The following WRN variants were observed in gnomAD, a reference collection of about 807,000 sequenced individuals.
The protein encoded by WRN is bifunctional 3'-5' exonuclease/ATP-dependent helicase WRN.
Under a neutral mutation model 180.7 loss-of-function variants are expected in WRN, and 149 were observed. The observed-to-expected ratio is 0.82, with a 90% CI of 0.72 to 0.94. WRN has a LOEUF of 0.94. Among genes scored for constraint, WRN ranks in the 40% least tolerant of loss-of-function variants. The pLI, the probability that WRN is intolerant of heterozygous loss-of-function variation, is 0.00. For synonymous variants in WRN, 548 were observed against 568.9 expected, an observed-to-expected ratio of 0.96 and a Z score of 0.52; for missense variants, 1,661 against 1,700.1, an observed-to-expected ratio of 0.98 and a Z score of 0.40.
chr8:31,108,590 T>C (rs2130267798), intron 18 of WRN, among the ~76,000 whole-genome samples: 1 of 152,162 alleles, frequency 6.6e-6, no homozygotes, highest in South Asian at 2.1e-4. Flanking sequence ...CATTTAAGAT[T>C]ATAAGTCTGG....
At chr8:31,169,170 T>C (rs1477182147) in intron 34 of WRN, among the ~76,000 whole-genome samples, 1 of 151,870 alleles carries the variant, frequency 6.6e-6, no homozygotes, top group Non-Finnish European at 1.5e-5. Context: ...TTTTCACTTT[T>C]CATGCATTCT....
chr8:31,096,789 C>A lies in WRN; in HGVS notation c.1920C>A (p.Tyr640Ter). 6.2e-7 allele frequency: 1 copy of A among 1,604,686 alleles called. No homozygotes were observed. The highest frequency in any genetic ancestry group is 1.1e-5 in the South Asian group (1 of 90,904). Residue 640 changes from tyrosine (Y) to a stop codon, truncating the protein, a stop_gained, in exon 17 of 35, where the codon TAC becomes TAA. Transcript: ENST00000298139. LOFTEE classifies it high-confidence loss of function. The part of the protein sequence containing the change: ...DIKLGKYRIV[Y>*]VTPEYCSGNM... ...ACAGAGGTAAATACCGGATTGTATACGTAACTCCAGAATACTGTTCAGGTA... is the reference window on the plus strand; with the variant it reads ...ACAGAGGTAAATACCGGATTGTATAAGTAACTCCAGAATACTGTTCAGGTA...
chr8:31,147,884 ATTTTTTTT>A (rs367782924), intron 30 of WRN, among the ~76,000 whole-genome samples: 4 of 126,906 alleles, frequency 3.2e-5, no homozygotes, highest in Admixed American at 8.2e-5. Flanking sequence ...CTTCTTCTTC[ATTTTTTTT>A]TTTTTTTTTG....
rs1336389337 is a variant in WRN at position 31,149,475 on chromosome 8, T to G, written c.3573-866T>G. 7.2e-3 allele frequency among the ~76,000 whole-genome samples: 673 copies of G among 94,022 alleles called. 25 individuals carry two copies. The highest frequency in any genetic ancestry group is 0.026 in the African/African-American group (648 of 24,546). The allele number at this position is 94,022 out of a possible 152,430, so 61.7% of individuals were successfully genotyped here. On this transcript the variant is annotated intron_variant, in intron 30 of 34. Coordinates refer to ENST00000298139, the MANE Select transcript of WRN (RefSeq NM_000553.6). ...GAGGTGTTTTTTTTTTTTTTTTTTT[T>G]TTTTTTTTTTTTTTTTGGTGATAGA...
chr8:31,075,434 G>A (rs1213157223), intron 7 of WRN, among the ~76,000 whole-genome samples: 10 of 152,062 alleles, frequency 6.6e-5, no homozygotes, highest in Non-Finnish European at 1.0e-4. Flanking sequence ...TATTTTGGCC[G>A]GGGGTGGCAG....
At chr8:31,144,017 C>T (rs892439521) in intron 28 of WRN, among the ~76,000 whole-genome samples, 2 of 152,156 alleles carry the variant, frequency 1.3e-5, no homozygotes, top group African/African-American at 4.8e-5. Flanking sequence ...TATTTGTCTA[C>T]CTCTAGCATC....
chr8:31,082,684 C>T (rs1813364671), intron 9 of WRN, among the ~76,000 whole-genome samples: 1 of 151,900 alleles, frequency 6.6e-6, no homozygotes, highest in African/African-American at 2.4e-5. Context: ...ACAACCTCTG[C>T]CTCCCCGGTT....
intron 24 of WRN, 118 bp from the exon 25 acceptor site, chr8:31,141,312 A>C: frequency 7.8e-7 from 1 of 1,274,446 alleles, no homozygotes; most frequent in South Asian, 1.3e-5. Flanking sequence ...ACATTTTTGT[A>C]GGTTTTTAAA....
chr8:31,068,052 C>T (rs1482271434), intron 6 of WRN, among the ~76,000 whole-genome samples: 1 of 152,086 alleles, frequency 6.6e-6, no homozygotes. Context: ...TGAAAACAAA[C>T]TTTTAAGGCT....
intron 1 of WRN, 54 bp downstream of exon 1, chr8:31,034,027 A>G (rs970844403): frequency 6.6e-6 from 1 of 152,192 alleles, no homozygotes; most frequent in African/African-American, 2.4e-5. Context: ...GGGTATCTAT[A>G]GTGCTAGGCT....
chr8:31,136,836 CGAATGAATGAAT>C (rs60617461), intron 24 of WRN, among the ~76,000 whole-genome samples: 18 of 149,560 alleles, frequency 1.2e-4, no homozygotes, highest in South Asian at 6.4e-4. Flanking sequence ...TACCCTGTCT[CGAATGAATGAAT>C]GAATGAATGA....
intron 1 of WRN, among the ~76,000 whole-genome samples, chr8:31,048,949 G>C (rs1426971695): frequency 6.6e-6 from 1 of 151,902 alleles, no homozygotes; most frequent in Non-Finnish European, 1.5e-5. Context: ...AATTTCTGTT[G>C]TCAGACTAGT....
chr8:31,037,325 G>T (rs531610085), intron 1 of WRN, among the ~76,000 whole-genome samples: 4 of 152,202 alleles, frequency 2.6e-5, no homozygotes, highest in African/African-American at 7.2e-5. Flanking sequence ...AGGTGGTAAC[G>T]TGAGGAATGG....
At chr8:31,066,600 A>ATT (rs1249867912) in intron 5 of WRN, among the ~76,000 whole-genome samples, 92 of 146,414 alleles carry the variant, frequency 6.3e-4, no homozygotes, top group African/African-American at 2.2e-3. Context: ...TTAAAAAAAA[A>ATT]TTTTTTTTTT....
Position 31,124,628 on chromosome 8 carries a change from G to T in WRN, c.2732+5G>T. ...TTCTAGCAGATGTAGGAGACAGTAT[G>T]TATTATTTATTTTATGCCAATAGTA... On this transcript the variant is annotated splice_donor_5th_base_variant and intron_variant, in intron 22 of 34. Transcript: ENST00000298139. 1 of 1,601,420 alleles carries T rather than the reference G, an allele frequency of 6.2e-7. No homozygotes were observed. The highest frequency in any genetic ancestry group is 8.6e-7 in the Non-Finnish European group (1 of 1,169,048).
rs1060500079 is a variant in WRN at position 31,147,376 on chromosome 8, G to T, written c.3472G>T (p.Gly1158Cys). Residue 1158 changes from glycine to cysteine, a missense_variant, in exon 30 of 35, where the codon GGC (glycine) becomes TGC (cysteine). Gly to Cys is a radical substitution (Grantham distance 159). Around this residue, in one of 3 missense-constraint regions of WRN, gnomAD observed 1,141 missense variants for 1,149.4 expected, o/e 0.99. Coordinates refer to ENST00000298139, the MANE Select transcript of WRN (RefSeq NM_000553.6). ...GTTTTTTGTTCAGATTGTGTTATAT[G>T]GCAAATTGGTAGAAGCTAGGCAGAA... ...QEQETQIVLYGKLVEARQKHA... is the reference protein window; with the variant it reads ...QEQETQIVLYCKLVEARQKHA... The T allele has an allele frequency of 1.1e-5, 17 of 1,613,910 alleles. No homozygotes were observed. Among genetic ancestry groups the T allele is most frequent in the Non-Finnish European group, 1.4e-5 (17 of 1,179,900 alleles).
rs1467483747 is a variant in WRN, at chr8:31,175,241, C to T, written c.*2139C>T. Among the ~76,000 whole-genome samples, 3 of 151,984 alleles carry T rather than the reference C, an allele frequency of 2.0e-5. No individual in the cohort carries two copies. Among genetic ancestry groups the T allele is most frequent in the Non-Finnish European group, 4.4e-5 (3 of 67,994 alleles). On this transcript the variant is annotated 3_prime_UTR_variant, in exon 35 of 35. Coordinates refer to ENST00000298139, the MANE Select transcript of WRN (RefSeq NM_000553.6). ...CACGAGATCAGGAGATCGAGACCAC[C>T]CTGGCCAACATGGTGAAACCCCGTC...
intron 9 of WRN, 73 bp from the exon 10 acceptor site, chr8:31,083,626 G>A: frequency 9.0e-7 from 1 of 1,111,518 alleles, no homozygotes. Flanking sequence ...TAGTATATAG[G>A]AGCTTTGTTC....
intron 1 of WRN, among the ~76,000 whole-genome samples, chr8:31,040,663 G>C (rs1287889167): frequency 6.6e-6 from 1 of 152,140 alleles, no homozygotes; most frequent in Non-Finnish European, 1.5e-5. Context: ...AAAGTCATTG[G>C]AAACCTTGAC....
Sources: gnomAD v4.1 joint callset for allele counts (sites outside exome capture counted in the v4.1 genomes callset) on GRCh38, gnomAD v4.1.1 for gene constraint, gnomAD v4.1.1 regional missense constraint, MANE v1.5 for transcripts, NCBI Gene and HGNC (gene_info 2026-07-23, HGNC 2026-07-21) for gene names.